The following INTS7 variants were observed in gnomAD, a reference collection of about 807,000 sequenced individuals.
INTS7 encodes the protein chromosome 1 open reading frame 73.
A neutral mutation model predicts 109.2 loss-of-function variants in INTS7; 46 were observed. That is an observed-to-expected ratio of 0.42 (90% CI 0.33 to 0.54). The LOEUF is 0.54. Ranked by LOEUF, INTS7 falls within the 20% of genes least tolerant of loss-of-function variation. The pLI, the probability that INTS7 is intolerant of heterozygous loss-of-function variation, is 0.07. For synonymous variants in INTS7, 412 were observed against 402.9 expected (o/e 1.02, Z -0.27); for missense variants, 929 against 1,132.4 (o/e 0.82, Z 2.58).
intron 7 of INTS7, among the ~76,000 whole-genome samples, chr1:211,993,150 G>C (rs1242418761): frequency 2.6e-5 from 4 of 152,204 alleles, no homozygotes; most frequent in African/African-American, 7.2e-5. Flanking sequence ...TATTCTGTCA[G>C]AGACAGAATA....
At chr1:211,968,005 C>T in intron 14 of INTS7, 24 bp from the exon 15 acceptor site, 8 of 1,257,128 alleles carry the variant, frequency 6.4e-6, no homozygotes, top group Non-Finnish European at 9.0e-6. Context: ...TCAATTATGA[C>T]AAACAAACAT....
In INTS7 at chr1:211,967,933, C is replaced by A. The variant is rs1478304500; in HGVS notation, c.2059G>T (p.Asp687Tyr). 1.2e-6 allele frequency: 2 copies of A among 1,609,644 alleles called. No individual in the cohort carries two copies. Among genetic ancestry groups the A allele is most frequent in the East Asian group, 2.2e-5 (1 of 44,738 alleles). Residue 687 changes from aspartate to tyrosine, a missense_variant, in exon 15 of 20, where the codon GAT (aspartate) becomes TAT (tyrosine). Physicochemically the swap from Asp to Tyr is radical, Grantham distance 160 (BLOSUM62 -3). Transcript: ENST00000366994. ...EFRSLASRYG[D>Y]LYQASFDADS... The stretch of plus-strand genomic sequence containing the variant: ...GCATCAAAAGATGCCTGGTAAAGAT[C>A]TCCATATCGAGAAGCAAGGCTTCGA...
chr1:212,007,892 G>C (rs191893054), intron 5 of INTS7, among the ~76,000 whole-genome samples: 1 of 152,204 alleles, frequency 6.6e-6, no homozygotes, highest in East Asian at 1.9e-4. Context: ...GTGTAGAATG[G>C]TTTCGAAGTC....
chr1:212,031,516 T>C (rs2102507759), intron 1 of INTS7, among the ~76,000 whole-genome samples: 1 of 152,356 alleles, frequency 6.6e-6, no homozygotes, highest in Middle Eastern at 3.4e-3. Context: ...CCTACAACTT[T>C]CAATGCCTTC....
At chr1:212,026,955 A>G (rs1161619385) in intron 1 of INTS7, among the ~76,000 whole-genome samples, 1 of 152,252 alleles carries the variant, frequency 6.6e-6, no homozygotes, top group African/African-American at 2.4e-5. Flanking sequence ...AAATGTACCA[A>G]AGATTATTTT....
chr1:212,016,825 C>A, intron 4 of INTS7, 61 bp downstream of exon 4: 1 of 1,386,666 alleles, frequency 7.2e-7, no homozygotes, highest in South Asian at 1.3e-5. Flanking sequence ...ATCAGTTTTT[C>A]CTTCAAAAAT....
intron 16 of INTS7, among the ~76,000 whole-genome samples, chr1:211,964,937 A>G (rs1395109167): frequency 1.3e-5 from 2 of 152,364 alleles, no homozygotes; most frequent in East Asian, 3.9e-4. Context: ...AATTGCAACA[A>G]AAGCAAAAAT....
At chr1:211,949,318 A>G (rs1014880848) in intron 17 of INTS7, among the ~76,000 whole-genome samples, 1 of 152,080 alleles carries the variant, frequency 6.6e-6, no homozygotes, top group Non-Finnish European at 1.5e-5. Context: ...CTTTCTTCCA[A>G]CTGCAACGTA....
intron 7 of INTS7, among the ~76,000 whole-genome samples, chr1:211,988,684 T>G (rs1463750026): frequency 6.6e-6 from 1 of 152,192 alleles, no homozygotes; most frequent in Non-Finnish European, 1.5e-5. Context: ...CTGTGTACTA[T>G]CGTCTCGATT....
intron 13 of INTS7, among the ~76,000 whole-genome samples, chr1:211,974,267 GAA>G (rs67430806): frequency 0.058 from 6,217 of 106,454 alleles, 159 homozygotes; most frequent in Middle Eastern, 0.086. Flanking sequence ...TCTCTTCCCA[GAA>G]AAAAAAAATA....
chr1:212,025,835 C>T (rs1381700469), intron 1 of INTS7, among the ~76,000 whole-genome samples: 3 of 152,050 alleles, frequency 2.0e-5, no homozygotes, highest in African/African-American at 7.2e-5. Flanking sequence ...TATCTCTGTC[C>T]AGTAACCTTT....
chr1:212,000,924 T>C (rs932008864), intron 7 of INTS7, among the ~76,000 whole-genome samples: 15 of 152,178 alleles, frequency 9.9e-5, no homozygotes, highest in African/African-American at 3.4e-4. Flanking sequence ...CTCAAGGCCA[T>C]TGCTGTTGCA....
Position 212,007,382 on chromosome 1 carries a change from T to G in INTS7, c.624A>C (p.Ala208=). The change falls in exon 6 of 20, where the codon GCA becomes GCC. Residue 208 remains alanine (A), a synonymous_variant. Transcript: ENST00000366994. ...IPILQHMHHD[A]ILASSARQLL... is the part of the protein sequence containing the mutation. The stretch of plus-strand genomic sequence containing the variant: ...GCTGACGAGCACTGGAAGCCAAGAT[T>G]GCATCATGGTGCATGTGCTGTAGAA... 6.2e-7 allele frequency: 1 copy of G among 1,613,948 alleles called. No individual in the cohort carries two copies.
intron 8 of INTS7, among the ~76,000 whole-genome samples, chr1:211,986,383 C>T (rs1168308759): frequency 6.6e-6 from 1 of 152,128 alleles, no homozygotes; most frequent in African/African-American, 2.4e-5. Context: ...TGGTTTTAAG[C>T]TACTCGGTTT....
intron 7 of INTS7, among the ~76,000 whole-genome samples, chr1:211,997,872 C>A (rs1665478157): frequency 6.7e-6 from 1 of 148,830 alleles, no homozygotes; most frequent in South Asian, 2.1e-4. Flanking sequence ...GAGCAAAACT[C>A]CAACTCAAAA....
intron 5 of INTS7, 91 bp downstream of exon 5, chr1:212,011,284 G>A (rs1490305548): frequency 3.0e-6 from 2 of 674,528 alleles, no homozygotes; most frequent in Non-Finnish European, 5.2e-6. Context: ...TGAATGTATG[G>A]TGACTAGCAA....
At chr1:211,983,833 G>T (rs1378257275) in intron 8 of INTS7, among the ~76,000 whole-genome samples, 3 of 147,218 alleles carry the variant, frequency 2.0e-5, no homozygotes, top group Non-Finnish European at 3.0e-5. Context: ...AGTGTTTTTT[G>T]GGTTTTTGTT....
At chr1:212,031,057 C>A (rs1234285339) in intron 1 of INTS7, 2 of 152,206 alleles carry the variant, frequency 1.3e-5, no homozygotes, top group Admixed American at 1.3e-4. Flanking sequence ...ATTACATTCA[C>A]CAGCACCTCT....
At chr1:212,027,831 T>TC (rs1242561367) in intron 1 of INTS7, among the ~76,000 whole-genome samples, 1 of 105,490 alleles carries the variant, frequency 9.5e-6, no homozygotes, top group African/African-American at 3.2e-5. Flanking sequence ...GCATCGAGAT[T>TC]CCTTTTTTTT....
Sources: gnomAD v4.1 joint callset for allele counts (sites outside exome capture counted in the v4.1 genomes callset) on GRCh38, gnomAD v4.1.1 for gene constraint, MANE v1.5 for transcripts, NCBI Gene and HGNC (gene_info 2026-07-23, HGNC 2026-07-21) for gene names.